Variants in GATM observed in about 807,000 individuals in gnomAD.
GATM encodes glycine amidinotransferase, mitochondrial.
In GATM, 23 loss-of-function variants were observed where a neutral mutation model predicts 54.2. The observed-to-expected ratio is 0.42, with a 90% CI of 0.31 to 0.60. GATM has a LOEUF of 0.60. Ranked by LOEUF, GATM falls within the 20% of genes least tolerant of loss-of-function variation. The pLI is 0.14. For missense variants in GATM, 401 were observed against 544.9 expected, an observed-to-expected ratio of 0.74 and a Z score of 2.63; for synonymous variants, 168 against 183.1, an observed-to-expected ratio of 0.92 and a Z score of 0.67.
intron 1 of GATM, 131 bp downstream of exon 1, chr15:45,378,252 ACT>A: frequency 1.6e-6 from 1 of 636,158 alleles, no homozygotes; most frequent in Non-Finnish European, 2.6e-6. Context: ...CAGAAGGGAC[ACT>A]CTCGTGCAAT....
chr15:45,389,265 A>G (rs989880076), intron 3 of GATM, among the ~76,000 whole-genome samples: 1 of 152,224 alleles, frequency 6.6e-6, no homozygotes, highest in African/African-American at 2.4e-5. Context: ...CCTGAACACA[A>G]TTTAACCTTT....
chr15:45,367,012 T>A (rs1447664273), intron 4 of GATM, among the ~76,000 whole-genome samples: 2 of 152,058 alleles, frequency 1.3e-5, no homozygotes, highest in Non-Finnish European at 1.5e-5. Flanking sequence ...CTGGAACATA[T>A]CCCCTGAGGA....
chr15:45,374,123 T>G (rs1420000957), intron 2 of GATM, among the ~76,000 whole-genome samples: 1 of 152,212 alleles, frequency 6.6e-6, no homozygotes, highest in Non-Finnish European at 1.5e-5. Context: ...CCTCTTAATA[T>G]CTTCATTTTA....
chr15:45,386,577 G>A (rs777689261), intron 3 of GATM, among the ~76,000 whole-genome samples: 12 of 152,202 alleles, frequency 7.9e-5, no homozygotes, highest in Admixed American at 3.9e-4. Context: ...GGAGATTAGC[G>A]TGGGAAGACA....
chr15:45,387,882 C>T (rs555748888), intron 3 of GATM, among the ~76,000 whole-genome samples: 1 of 152,198 alleles, frequency 6.6e-6, no homozygotes, highest in East Asian at 1.9e-4. Flanking sequence ...ATTCTTTTTT[C>T]AAGAGTTAAG....
intron 2 of GATM, among the ~76,000 whole-genome samples, chr15:45,399,073 T>A (rs1200718384): frequency 2.0e-5 from 3 of 152,224 alleles, no homozygotes; most frequent in Non-Finnish European, 4.4e-5. Flanking sequence ...TTGTCACATG[T>A]ACCTTTTCGG....
chr15:45,388,284 T>C (rs1013128650), intron 3 of GATM, among the ~76,000 whole-genome samples: 9 of 152,222 alleles, frequency 5.9e-5, no homozygotes, highest in Non-Finnish European at 1.2e-4. Flanking sequence ...TATCTGTTTT[T>C]GGATTTACAG....
chr15:45,392,403 A>C (rs1019084552), intron 3 of GATM, among the ~76,000 whole-genome samples: 2 of 152,232 alleles, frequency 1.3e-5, no homozygotes, highest in Admixed American at 1.3e-4. Context: ...GTAATGTTTC[A>C]AAATGATTTC....
In GATM at chr15:45,361,999, T is replaced by C. The variant is rs1889373194; in HGVS notation, c.*110A>G. On this transcript the variant is annotated 3_prime_UTR_variant, in exon 9 of 9. Coordinates refer to ENST00000396659, the MANE Select transcript of GATM (RefSeq NM_001482.3). The stretch of plus-strand genomic sequence containing the variant: ...AGGCTTACGACCCCTGTTAAGGAGA[T>C]GATTGTTTAAAGCACTACAGTTCAT... The C allele has an allele frequency of 1.4e-6, 1 of 734,694 alleles. No individual in the cohort carries two copies. Among genetic ancestry groups the C allele is most frequent in the East Asian group, 2.6e-5 (1 of 37,834 alleles). 45.5% of individuals were successfully genotyped at this position (734,694 alleles called of 1,614,324 possible). A position where few individuals can be genotyped will look rare whatever the true frequency, so the allele number is the denominator to read the frequency against.
chr15:45,390,847 A>G (rs566680235), intron 3 of GATM, among the ~76,000 whole-genome samples: 1 of 152,238 alleles, frequency 6.6e-6, no homozygotes, highest in East Asian at 1.9e-4. Flanking sequence ...CTTTCACATC[A>G]CTGTATGGAT....
intron 1 of GATM, chr15:45,377,026 T>C: frequency 1.6e-6 from 1 of 607,898 alleles, no homozygotes; most frequent in Non-Finnish European, 2.9e-6. Flanking sequence ...ACAAATTGTC[T>C]TCTTATCTAT....
intron 3 of GATM, 26 bp downstream of exon 3, chr15:45,369,300 C>A: frequency 6.3e-7 from 1 of 1,593,864 alleles, no homozygotes; most frequent in Non-Finnish European, 8.6e-7. Context: ...CAGACACTGG[C>A]AGTTTAGTTA....
chr15:45,369,236 C>T, intron 3 of GATM, 90 bp downstream of exon 3: 3 of 1,122,542 alleles, frequency 2.7e-6, no homozygotes, highest in Non-Finnish European at 4.0e-6. Context: ...AAAGGACTCT[C>T]CAAGAAATTT....
At chr15:45,375,947 G>A (rs191858888) in intron 2 of GATM, among the ~76,000 whole-genome samples, 1 of 152,312 alleles carries the variant, frequency 6.6e-6, no homozygotes, top group African/African-American at 2.4e-5. Flanking sequence ...AGTCCAGGCA[G>A]CAGATGAGCT....
In GATM at chr15:45,361,698, C is replaced by T. The variant is rs933322202; in HGVS notation, c.*411G>A. The T allele has an allele frequency of 1.9e-5, 8 of 423,380 alleles. No individual in the cohort carries two copies. The highest frequency in any genetic ancestry group is 6.1e-4 in the Middle Eastern group (1 of 1,642). The allele number at this position is 423,380 out of a possible 1,614,324, so 26.2% of individuals were successfully genotyped here. A position where few individuals can be genotyped will look rare whatever the true frequency, so the allele number is the denominator to read the frequency against. On this transcript the variant is annotated 3_prime_UTR_variant, in exon 9 of 9. Transcript: ENST00000396659. Reference sequence around the variant, plus strand: ...GGATCTGTGTACATTCTAAGTCTTTCTCTCATTTAGAGAAAAACATTCTCA... The same window carrying T: ...GGATCTGTGTACATTCTAAGTCTTTTTCTCATTTAGAGAAAAACATTCTCA...
intron 2 of GATM, among the ~76,000 whole-genome samples, chr15:45,397,701 G>T (rs1889949707): frequency 6.6e-6 from 1 of 152,216 alleles, no homozygotes; most frequent in African/African-American, 2.4e-5. Flanking sequence ...AACCTAAGAA[G>T]GGGGTCATGG....
At chr15:45,390,823 C>T (rs1260869708) in intron 3 of GATM, among the ~76,000 whole-genome samples, 2 of 152,016 alleles carry the variant, frequency 1.3e-5, no homozygotes, top group African/African-American at 4.8e-5. Context: ...AAAGGTCTTT[C>T]AACTATGAGA....
At chr15:45,378,285 GA>G in intron 1 of GATM, 99 bp downstream of exon 1, 1 of 878,946 alleles carries the variant, frequency 1.1e-6, no homozygotes, top group Non-Finnish European at 1.7e-6. Context: ...GAAAGCGAGG[GA>G]AGGTGGCGGC....
intron 2 of GATM, among the ~76,000 whole-genome samples, chr15:45,369,915 A>G (rs1049304458): frequency 6.6e-6 from 1 of 152,230 alleles, no homozygotes; most frequent in African/African-American, 2.4e-5. Flanking sequence ...ACAAACTAGC[A>G]TAAGAGAATA....
Sources: allele counts gnomAD v4.1 joint callset (sites outside exome capture counted in the v4.1 genomes callset), GRCh38; gene constraint gnomAD v4.1.1; transcripts MANE v1.5; gene names NCBI Gene and HGNC (gene_info 2026-07-23, HGNC 2026-07-21).